HCK: variants seen among roughly 807,000 people sequenced by gnomAD.
HCK encodes HCK proto-oncogene, Src family tyrosine kinase.
Under a neutral mutation model 70.4 loss-of-function variants are expected in HCK, and 40 were observed. The observed-to-expected ratio is 0.57, with a 90% CI of 0.44 to 0.74. HCK has a LOEUF of 0.74. HCK is among the 30% of genes least tolerant of loss of function. The pLI, the probability that HCK is intolerant of heterozygous loss-of-function variation, is 0.00. For missense variants in HCK, 568 were observed against 697.2 expected (o/e 0.81, Z 2.09); for synonymous variants, 245 against 263.2 (o/e 0.93, Z 0.67).
chr20:32,086,082 C>G (rs2045780871), intron 8 of HCK, among the ~76,000 whole-genome samples: 1 of 152,156 alleles, frequency 6.6e-6, no homozygotes, highest in Admixed American at 6.5e-5. Flanking sequence ...TGCAGTGGCT[C>G]AATCTTGGCT....
At chr20:32,098,038 T>C (rs1404326829) in intron 11 of HCK, among the ~76,000 whole-genome samples, 1 of 50,054 alleles carries the variant, frequency 2.0e-5, no homozygotes, top group Non-Finnish European at 3.2e-5. Context: ...TTTTTATATT[T>C]TATTTTATTT....
chr20:32,070,403 C>T lies in HCK; in HGVS notation c.63-1259C>T, dbSNP rs113494732. ...TTGTCACAACCACCCTCTTCCCTGC[C>T]CATGAGCTTCAGCTACACTCTCCTG... On this transcript the variant is annotated intron_variant, in intron 1 of 12. Transcript: ENST00000375852. Among the ~76,000 whole-genome samples the T allele has an allele frequency of 1.5e-3, 225 of 152,302 alleles. 1 individual carries two copies. Among genetic ancestry groups the T allele is most frequent in the African/African-American group, 5.3e-3 (219 of 41,552 alleles).
chr20:32,069,689 C>T, intron 1 of HCK: 1 of 802,034 alleles, frequency 1.2e-6, no homozygotes, highest in Non-Finnish European at 1.8e-6. Context: ...TTCCAAAAGA[C>T]AAACAAAGCA....
chr20:32,057,149 C>T (rs2045284908), intron 1 of HCK, among the ~76,000 whole-genome samples: 1 of 152,244 alleles, frequency 6.6e-6, no homozygotes, highest in Non-Finnish European at 1.5e-5. Context: ...CTCAGTGGAG[C>T]TGGGGGCTGC....
chr20:32,070,510 C>G (rs1022186687), intron 1 of HCK, among the ~76,000 whole-genome samples: 1 of 152,206 alleles, frequency 6.6e-6, no homozygotes, highest in African/African-American at 2.4e-5. Context: ...CTGGAACACT[C>G]TTCCCTCAGA....
In HCK at chr20:32,101,681, T is replaced by A. The variant is rs1314404660; in HGVS notation, c.*162T>A. Reference sequence around the variant, plus strand: ...CCAGTGGGTAGGTTGGACTGGAAAATCTCTTTTTGACTCTTGCAATCCACA... The same window carrying A: ...CCAGTGGGTAGGTTGGACTGGAAAAACTCTTTTTGACTCTTGCAATCCACA... On this transcript the variant is annotated 3_prime_UTR_variant, in exon 13 of 13. Transcript: ENST00000375852. The A allele has an allele frequency of 3.6e-6, 2 of 553,976 alleles. No individual in the cohort carries two copies. The highest frequency in any genetic ancestry group is 6.3e-6 in the Non-Finnish European group (2 of 316,000). The allele number at this position is 553,976 out of a possible 1,614,324, so 34.3% of individuals were successfully genotyped here. A position where few individuals can be genotyped will look rare whatever the true frequency, so the allele number is the denominator to read the frequency against.
intron 1 of HCK, among the ~76,000 whole-genome samples, chr20:32,054,889 C>T (rs979979791): frequency 6.6e-6 from 1 of 152,104 alleles, no homozygotes; most frequent in African/African-American, 2.4e-5. Flanking sequence ...GCATATTTGC[C>T]CCATCTTATC....
intron 10 of HCK, among the ~76,000 whole-genome samples, chr20:32,092,194 C>T (rs539220891): frequency 2.0e-4 from 31 of 152,102 alleles, no homozygotes; most frequent in Non-Finnish European, 2.1e-4. Context: ...TGCAGTCTGC[C>T]GGAGCACTGG....
intron 1 of HCK, among the ~76,000 whole-genome samples, chr20:32,068,801 A>T (rs1011641735): frequency 4.0e-5 from 6 of 151,610 alleles, no homozygotes; most frequent in African/African-American, 1.5e-4. Flanking sequence ...AAGATTAGCC[A>T]GGCATGGTAG....
intron 1 of HCK, among the ~76,000 whole-genome samples, chr20:32,065,812 A>T (rs2122501860): frequency 6.6e-6 from 1 of 152,338 alleles, no homozygotes; most frequent in Admixed American, 6.5e-5. Context: ...ACCAAACTTC[A>T]TGCACTAAGT....
chr20:32,059,293 T>TTCCC lies in HCK; in HGVS notation c.62+6819_62+6822dup, dbSNP rs1555874052. Among the ~76,000 whole-genome samples the TTCCC allele has an allele frequency of 2.2e-3, 321 of 149,026 alleles. 1 individual carries two copies. The highest frequency in any genetic ancestry group is 3.5e-3 in the Non-Finnish European group (237 of 67,190). ...TAATGTTTTAATCTTCCTTCCTTCC[T>TTCCC]TCCCTCCCTCCCTCCTTTCTTTTCT... On this transcript the variant is annotated intron_variant, in intron 1 of 12. Transcript: ENST00000375852.
intron 11 of HCK, among the ~76,000 whole-genome samples, chr20:32,094,764 G>GAGAGAGA (rs1569009967): frequency 1.2e-4 from 8 of 68,412 alleles, no homozygotes; most frequent in Non-Finnish European, 1.7e-4. Flanking sequence ...AAAGAAAGAA[G>GAGAGAGA]GAAAGAAAGA....
intron 1 of HCK, among the ~76,000 whole-genome samples, chr20:32,055,318 G>C (rs1431671801): frequency 1.3e-5 from 2 of 152,182 alleles, no homozygotes; most frequent in African/African-American, 4.8e-5. Context: ...TCTGCTGTAA[G>C]GCACTTCACT....
At chr20:32,090,416 C>T (rs1208297478) in intron 10 of HCK, among the ~76,000 whole-genome samples, 1 of 152,218 alleles carries the variant, frequency 6.6e-6, no homozygotes, top group East Asian at 1.9e-4. Context: ...AACTGGACCA[C>T]ACATGTGGGG....
At chr20:32,088,506 A>G (rs1266962810) in intron 9 of HCK, 62 bp from the exon 10 acceptor site, 15 of 1,249,618 alleles carry the variant, frequency 1.2e-5, no homozygotes, top group Non-Finnish European at 1.7e-5. Context: ...TGCAAAAGTA[A>G]TTGTGGTTTT....
chr20:32,093,510 T>TGTGG (rs1291098441), intron 10 of HCK, among the ~76,000 whole-genome samples: 1 of 151,770 alleles, frequency 6.6e-6, no homozygotes, highest in African/African-American at 2.4e-5. Flanking sequence ...TGTGTGTGTG[T>TGTGG]GTGTGTGTGT....
intron 1 of HCK, among the ~76,000 whole-genome samples, chr20:32,054,625 G>T (rs6061135): frequency 1 from 151,242 of 151,248 alleles, 75,618 homozygotes; most frequent in Middle Eastern, 1. Context: ...GCTAACACGG[G>T]GAAACCCCGT....
intron 1 of HCK, among the ~76,000 whole-genome samples, chr20:32,067,361 C>G (rs867922874): frequency 6.6e-6 from 1 of 152,068 alleles, no homozygotes; most frequent in Non-Finnish European, 1.5e-5. Flanking sequence ...AACTCTACAC[C>G]CATTGAACAC....
intron 11 of HCK, among the ~76,000 whole-genome samples, chr20:32,095,109 A>T (rs1050363025): frequency 6.6e-6 from 1 of 152,254 alleles, no homozygotes; most frequent in African/African-American, 2.4e-5. Context: ...ATATATCCAT[A>T]CAATGGAATA....
Sources: gnomAD v4.1 joint callset for allele counts (sites outside exome capture counted in the v4.1 genomes callset) on GRCh38, gnomAD v4.1.1 for gene constraint, MANE v1.5 for transcripts, NCBI Gene and HGNC (gene_info 2026-07-23, HGNC 2026-07-21) for gene names.